Variants in CTNNA3 observed in about 807,000 individuals in gnomAD.
CTNNA3 encodes catenin alpha-3.
A neutral mutation model predicts 95.7 loss-of-function variants in CTNNA3; 76 were observed. The observed-to-expected ratio is 0.79, with a 90% CI of 0.66 to 0.96. The LOEUF (loss-of-function observed/expected upper bound fraction) is 0.96. Ranked by LOEUF, CTNNA3 falls within the 40% of genes least tolerant of loss-of-function variation. The probability of loss-of-function intolerance (pLI) is 0.00; values close to 1 mark genes in which losing one functional copy is unlikely to be tolerated. For synonymous variants in CTNNA3, 431 were observed against 374.4 expected, an observed-to-expected ratio of 1.15 and a Z score of -1.74; for missense variants, 1,191 against 1,089.8, an observed-to-expected ratio of 1.09 and a Z score of -1.31.
chr10:66,682,002 C>A (rs1017758885), intron 9 of CTNNA3, among the ~76,000 whole-genome samples: 28 of 152,180 alleles, frequency 1.8e-4, no homozygotes, highest in Admixed American at 5.9e-4. Flanking sequence ...GCCACTGCAG[C>A]TAGAAACCTG....
intron 5 of CTNNA3, among the ~76,000 whole-genome samples, chr10:67,486,994 A>C (rs1242670995): frequency 6.6e-6 from 1 of 152,162 alleles, no homozygotes; most frequent in Non-Finnish European, 1.5e-5. Flanking sequence ...AAAAGTATTT[A>C]ACTAAACCTA....
At chr10:67,623,595 T>A (rs960859562) in intron 2 of CTNNA3, among the ~76,000 whole-genome samples, 1 of 151,278 alleles carries the variant, frequency 6.6e-6, no homozygotes, top group African/African-American at 2.4e-5. Flanking sequence ...GGGGAGAGAG[T>A]AGAGAAGAAG....
At chr10:66,293,664 TTTC>T (rs1390438771) in intron 12 of CTNNA3, among the ~76,000 whole-genome samples, 8 of 133,584 alleles carry the variant, frequency 6.0e-5, no homozygotes, top group African/African-American at 2.5e-4. Context: ...TTCTTTTTTC[TTTC>T]TTTTTTTTTT....
chr10:66,033,183 T>G (rs1326864923), intron 15 of CTNNA3, among the ~76,000 whole-genome samples: 1 of 146,304 alleles, frequency 6.8e-6, no homozygotes, highest in African/African-American at 2.5e-5. Context: ...CAGGCTGGAG[T>G]GCAGTGGCGC....
chr10:66,175,543 T>A (rs961416846), intron 13 of CTNNA3, among the ~76,000 whole-genome samples: 11 of 152,170 alleles, frequency 7.2e-5, no homozygotes, highest in African/African-American at 4.8e-5. Context: ...GAAGGACTGC[T>A]TTTGAGGCAG....
chr10:66,221,718 T>C (rs530468474), intron 13 of CTNNA3, among the ~76,000 whole-genome samples: 4 of 152,332 alleles, frequency 2.6e-5, no homozygotes, highest in African/African-American at 9.6e-5. Flanking sequence ...GAATGAATGA[T>C]AGGTCAGTTA....
chr10:67,526,216 T>C (rs1038296236), intron 4 of CTNNA3, among the ~76,000 whole-genome samples: 6 of 152,182 alleles, frequency 3.9e-5, no homozygotes, highest in African/African-American at 1.4e-4. Flanking sequence ...AGAAAGAAAT[T>C]ATTTAATGTT....
At chr10:67,367,326 C>T (rs558266282) in intron 5 of CTNNA3, among the ~76,000 whole-genome samples, 13 of 151,578 alleles carry the variant, frequency 8.6e-5, no homozygotes, top group Non-Finnish European at 1.5e-4. Context: ...ACCAAACATA[C>T]GAAAAAAATA....
At chr10:66,769,443 T>C (rs978248379) in intron 8 of CTNNA3, among the ~76,000 whole-genome samples, 1 of 152,230 alleles carries the variant, frequency 6.6e-6, no homozygotes, top group Admixed American at 6.5e-5. Context: ...AACTTGCTGG[T>C]TCCTGATCCT....
At chr10:66,399,776 C>T (rs1169521441) in intron 11 of CTNNA3, among the ~76,000 whole-genome samples, 1 of 151,910 alleles carries the variant, frequency 6.6e-6, no homozygotes, top group Non-Finnish European at 1.5e-5. Flanking sequence ...CTATAACTGG[C>T]TTATATGACA....
chr10:66,780,512 T>C (rs1353126844), intron 7 of CTNNA3, among the ~76,000 whole-genome samples: 1 of 152,096 alleles, frequency 6.6e-6, no homozygotes, highest in Non-Finnish European at 1.5e-5. Flanking sequence ...GGCTAGATGA[T>C]GGAGTTGTGA....
intron 9 of CTNNA3, among the ~76,000 whole-genome samples, chr10:66,649,789 C>G (rs902919831): frequency 2.0e-5 from 3 of 152,206 alleles, no homozygotes; most frequent in African/African-American, 7.2e-5. Context: ...CAGCCCTGGC[C>G]CTTGGTCAGA....
At chr10:67,605,488 T>G (rs777236618) in intron 3 of CTNNA3, among the ~76,000 whole-genome samples, 6 of 152,120 alleles carry the variant, frequency 3.9e-5, no homozygotes, top group Non-Finnish European at 7.3e-5. Context: ...GTATTCAGGA[T>G]TTTTACTAAA....
intron 5 of CTNNA3, among the ~76,000 whole-genome samples, chr10:67,310,921 G>T (rs1268510611): frequency 6.6e-6 from 1 of 152,138 alleles, no homozygotes; most frequent in African/African-American, 2.4e-5. Context: ...CTTACTCCTA[G>T]TTATTATAAA....
At chr10:67,229,510 TAA>T (rs1037943391) in intron 5 of CTNNA3, among the ~76,000 whole-genome samples, 2 of 152,220 alleles carry the variant, frequency 1.3e-5, no homozygotes, top group African/African-American at 4.8e-5. Context: ...TCCAAATTGG[TAA>T]AGAGGAAGTC....
intron 6 of CTNNA3, among the ~76,000 whole-genome samples, chr10:67,209,621 T>G (rs1164401296): frequency 6.6e-6 from 1 of 151,700 alleles, no homozygotes; most frequent in Non-Finnish European, 1.5e-5. Flanking sequence ...CCAAAAAAAT[T>G]CCAAACATTT....
At chr10:67,701,084 T>C (rs546972562), upstream of CTNNA3, among the ~76,000 whole-genome samples, 63 of 152,052 alleles carry the variant, frequency 4.1e-4, no homozygotes, top group African/African-American at 1.4e-3. Flanking sequence ...GAAGAAAGCA[T>C]AAAAAGAAAC....
In CTNNA3 at chr10:65,918,318, A is replaced by T. The variant is rs1305103905; in HGVS notation, c.*2012T>A. 1 of 152,178 alleles carries T rather than the reference A, an allele frequency of 6.6e-6. No individual in the cohort carries two copies. The highest frequency in any genetic ancestry group is 1.5e-5 in the Non-Finnish European group (1 of 68,034). 9.4% of individuals were successfully genotyped at this position (152,178 alleles called of 1,614,324 possible). On this transcript the variant is annotated 3_prime_UTR_variant, in exon 18 of 18. Transcript: ENST00000433211. ...AATGTGGCTTTAGGAGCTAAGATAC[A>T]CAACTGCTAGTTTGGTGATTTCAAA...
chr10:66,845,273 G>A (rs1402896753), intron 7 of CTNNA3, among the ~76,000 whole-genome samples: 1 of 152,112 alleles, frequency 6.6e-6, no homozygotes, highest in African/African-American at 2.4e-5. Flanking sequence ...TACATGAAAG[G>A]GGCTGAACAT....
Sources: allele counts gnomAD v4.1 joint callset (sites outside exome capture counted in the v4.1 genomes callset), GRCh38; gene constraint gnomAD v4.1.1; transcripts MANE v1.5; gene names NCBI Gene and HGNC (gene_info 2026-07-23, HGNC 2026-07-21).